SDK2: variants seen among roughly 807,000 people sequenced by gnomAD.
SDK2 encodes sidekick cell adhesion molecule 2.
Under a neutral mutation model 253.9 loss-of-function variants are expected in SDK2, and 105 were observed. The observed-to-expected ratio is 0.41, with a 90% CI of 0.35 to 0.49. The LOEUF (loss-of-function observed/expected upper bound fraction) is 0.49, where lower values mean the gene tolerates loss of function less well. SDK2 is among the 20% of genes least tolerant of loss of function. The pLI, the probability that SDK2 is intolerant of heterozygous loss-of-function variation, is 0.06. For missense variants in SDK2, 2,608 were observed against 3,003.0 expected (o/e 0.87, Z 3.07); for synonymous variants, 1,249 against 1,234.9 (o/e 1.01, Z -0.24).
intron 1 of SDK2, among the ~76,000 whole-genome samples, chr17:73,537,285 T>C (rs1217285055): frequency 6.6e-6 from 1 of 152,154 alleles, no homozygotes; most frequent in Non-Finnish European, 1.5e-5. Flanking sequence ...TGGCCGCGTC[T>C]GTTAACGAGG....
intron 18 of SDK2, among the ~76,000 whole-genome samples, chr17:73,405,517 T>TAA (rs112566588): frequency 0.017 from 1,097 of 66,104 alleles, 334 homozygotes; most frequent in Middle Eastern, 0.043. Flanking sequence ...TATATATATA[T>TAA]AAAGATCGAG....
At chr17:73,348,478 G>C in intron 44 of SDK2, 121 bp downstream of exon 44, 1 of 1,249,068 alleles carries the variant, frequency 8.0e-7, no homozygotes, top group Non-Finnish European at 1.1e-6. Flanking sequence ...GTGGTTTCTT[G>C]GGCCCCTTAA....
intron 1 of SDK2, among the ~76,000 whole-genome samples, chr17:73,531,037 T>G (rs113536595): frequency 6.6e-5 from 10 of 152,284 alleles, no homozygotes; most frequent in African/African-American, 2.2e-4. Flanking sequence ...TTCCCGCCTT[T>G]CCTTCCCTGC....
In SDK2 at chr17:73,351,841, A is replaced by G. The variant is rs568680445; in HGVS notation, c.5758+632T>C. ...GTAAAGGAGAAGATTTGGTTCTTCA[A>G]TGTGGGCAATGTGTGGCAGGGGGAG... On this transcript the variant is annotated intron_variant, in intron 41 of 44. Coordinates refer to ENST00000392650, the MANE Select transcript of SDK2 (RefSeq NM_001144952.2). Among the ~76,000 whole-genome samples the G allele has an allele frequency of 7.2e-5, 11 of 152,136 alleles. No homozygotes were observed. The East Asian group carries it at 1.6e-3, about 21-fold the overall frequency.
At chr17:73,537,750 T>C (rs1374464381) in intron 1 of SDK2, among the ~76,000 whole-genome samples, 1 of 152,166 alleles carries the variant, frequency 6.6e-6, no homozygotes, top group African/African-American at 2.4e-5. Context: ...GCCAATCTGA[T>C]GGTGCATCTC....
chr17:73,351,219 C>T (rs1256128888), intron 41 of SDK2, among the ~76,000 whole-genome samples: 3 of 151,918 alleles, frequency 2.0e-5, no homozygotes, highest in Non-Finnish European at 2.9e-5. Flanking sequence ...AAGCAATTCT[C>T]CTGCCTCAGC....
At chr17:73,371,826 G>A (rs1337041733) in intron 36 of SDK2, among the ~76,000 whole-genome samples, 1 of 152,120 alleles carries the variant, frequency 6.6e-6, no homozygotes, top group African/African-American at 2.4e-5. Flanking sequence ...CGGGCATGGT[G>A]GCGGATGCCT....
At chr17:73,485,774 G>A (rs552357837) in intron 2 of SDK2, among the ~76,000 whole-genome samples, 28 of 152,328 alleles carry the variant, frequency 1.8e-4, no homozygotes, top group South Asian at 1.4e-3. Context: ...TGGACACAGC[G>A]TCTGCAGCTG....
intron 36 of SDK2, among the ~76,000 whole-genome samples, chr17:73,377,222 C>CTTT (rs1193747847): frequency 7.5e-6 from 1 of 134,004 alleles, no homozygotes; most frequent in African/African-American, 2.8e-5. Context: ...TTTTTTTTTT[C>CTTT]TTTTTTTTTT....
In SDK2 at chr17:73,455,758, G is replaced by A; in HGVS notation, c.479+148C>T. On this transcript the variant is annotated intron_variant, in intron 4 of 44. Coordinates refer to ENST00000392650, the MANE Select transcript of SDK2 (RefSeq NM_001144952.2). The surrounding 1 kb of genome is among the most constrained non-coding windows in gnomAD (Gnocchi z 5.0). Reference sequence around the variant, plus strand: ...GTGCATCCTAAGAAAGCCCCTGGGAGGTCCCCTACCTGGCTGTGTCCCACA... The same window carrying A: ...GTGCATCCTAAGAAAGCCCCTGGGAAGTCCCCTACCTGGCTGTGTCCCACA... 2 of 840,550 alleles carry A rather than the reference G, an allele frequency of 2.4e-6. No homozygotes were observed. Among genetic ancestry groups the A allele is most frequent in the Non-Finnish European group, 3.5e-6 (2 of 578,676 alleles). 52.1% of individuals were successfully genotyped at this position (840,550 alleles called of 1,614,324 possible). A position where few individuals can be genotyped will look rare whatever the true frequency, so the allele number is the denominator to read the frequency against.
At chr17:73,623,194 T>C (rs1370922549) in intron 1 of SDK2, among the ~76,000 whole-genome samples, 1 of 152,274 alleles carries the variant, frequency 6.6e-6, no homozygotes, top group Admixed American at 6.5e-5. Flanking sequence ...TATAGATAAC[T>C]ATCTGTCAGA....
intron 4 of SDK2, among the ~76,000 whole-genome samples, chr17:73,449,815 CG>C (rs1426436739): frequency 6.6e-6 from 1 of 151,828 alleles, no homozygotes; most frequent in Non-Finnish European, 1.5e-5. Flanking sequence ...CCCAGCTACT[CG>C]GGAGGCTGAG....
chr17:73,463,180 C>G (rs922895828), intron 3 of SDK2, among the ~76,000 whole-genome samples: 5 of 152,202 alleles, frequency 3.3e-5, no homozygotes, highest in African/African-American at 1.2e-4. Flanking sequence ...TACCTGCTTG[C>G]TAATACGCCG....
At chr17:73,589,289 A>G (rs140006213) in intron 1 of SDK2, among the ~76,000 whole-genome samples, 1,823 of 152,390 alleles carry the variant, frequency 0.012, 19 homozygotes, top group Middle Eastern at 0.061. Flanking sequence ...AAGGGCAAGG[A>G]GATGTCTCTT....
In SDK2 at chr17:73,465,355, A is replaced by T. The variant is rs1240297682; in HGVS notation, c.331+6757T>A. On this transcript the variant is annotated intron_variant, in intron 3 of 44. Coordinates refer to ENST00000392650, the MANE Select transcript of SDK2 (RefSeq NM_001144952.2). The surrounding 1 kb of genome is among the most constrained non-coding windows in gnomAD (Gnocchi z 4.2). Reference sequence around the variant, plus strand: ...GCTGGAGTGGATGGTTTCAAGTCTGAGTCCCACAGATGAGGGCTGGGGGAA... The same window carrying T: ...GCTGGAGTGGATGGTTTCAAGTCTGTGTCCCACAGATGAGGGCTGGGGGAA... Among the ~76,000 whole-genome samples the T allele has an allele frequency of 6.6e-6, 1 of 152,078 alleles. No homozygotes were observed. Among genetic ancestry groups the T allele is most frequent in the Non-Finnish European group, 1.5e-5 (1 of 68,020 alleles).
chr17:73,375,775 G>A lies in SDK2; in HGVS notation c.4980+3402C>T, dbSNP rs566665514. ...GGAGGCTGAGGTGGGAGAATCACTTGAACCTGGGAGGCAGAGGTTGCAGTG... is the reference window on the plus strand; with the variant it reads ...GGAGGCTGAGGTGGGAGAATCACTTAAACCTGGGAGGCAGAGGTTGCAGTG... On this transcript the variant is annotated intron_variant, in intron 36 of 44. Transcript: ENST00000392650. 9.2e-5 allele frequency among the ~76,000 whole-genome samples: 14 copies of A among 151,458 alleles called. No individual in the cohort carries two copies. The East Asian group carries it at 2.5e-3, about 28-fold the overall frequency.
At chr17:73,373,602 G>C (rs1326267772) in intron 36 of SDK2, among the ~76,000 whole-genome samples, 1 of 152,160 alleles carries the variant, frequency 6.6e-6, no homozygotes, top group Non-Finnish European at 1.5e-5. Flanking sequence ...GCATTTCCCT[G>C]ATGCTGAGCG....
intron 36 of SDK2, among the ~76,000 whole-genome samples, chr17:73,373,363 C>T (rs1301323730): frequency 6.6e-6 from 1 of 152,176 alleles, no homozygotes; most frequent in Non-Finnish European, 1.5e-5. Flanking sequence ...CATTTCAATT[C>T]CTTTGGATAA....
intron 44 of SDK2, among the ~76,000 whole-genome samples, chr17:73,347,731 G>A (rs2062496531): frequency 6.6e-6 from 1 of 152,126 alleles, no homozygotes; most frequent in Non-Finnish European, 1.5e-5. Context: ...GAGGCAGAGG[G>A]TGAGGGTGGG....
Sources: allele counts gnomAD v4.1 joint callset (sites outside exome capture counted in the v4.1 genomes callset), GRCh38; gene constraint gnomAD v4.1.1; non-coding constraint Gnocchi (gnomAD v3.1); transcripts MANE v1.5; gene names NCBI Gene and HGNC (gene_info 2026-07-23, HGNC 2026-07-21).